SLCO1A2: variants seen among roughly 807,000 people sequenced by gnomAD.
The protein encoded by SLCO1A2 is solute carrier organic anion transporter family member 1A2.
Under a neutral mutation model 69.0 loss-of-function variants are expected in SLCO1A2, and 67 were observed. The observed-to-expected ratio is 0.97, with a 90% CI of 0.80 to 1.19. SLCO1A2 has a LOEUF of 1.19. Among genes scored for constraint, SLCO1A2 ranks in the 50% most tolerant of loss-of-function variants. The pLI is 0.00. For missense variants in SLCO1A2, 787 were observed against 793.7 expected (o/e 0.99, Z 0.10); for synonymous variants, 260 against 265.9 (o/e 0.98, Z 0.22).
At chr12:21,359,331 A>T (rs890030440) in intron 2 of SLCO1A2, among the ~76,000 whole-genome samples, 11 of 152,188 alleles carry the variant, frequency 7.2e-5, no homozygotes, top group African/African-American at 2.7e-4. Context: ...GTTTAAAAAC[A>T]GGGAAAATCA....
intron 6 of SLCO1A2, among the ~76,000 whole-genome samples, chr12:21,301,741 T>C (rs1337175056): frequency 6.6e-6 from 1 of 152,224 alleles, no homozygotes; most frequent in African/African-American, 2.4e-5. Context: ...TCATTATTAT[T>C]ATATGATACA....
intron 2 of SLCO1A2, among the ~76,000 whole-genome samples, chr12:21,344,488 C>T (rs1953189281): frequency 6.6e-6 from 1 of 151,906 alleles, no homozygotes; most frequent in Non-Finnish European, 1.5e-5. Flanking sequence ...TTGATATGCC[C>T]CTCCCAGTTA....
At chr12:21,276,423 C>CACAG (rs1943847864) in intron 12 of SLCO1A2, among the ~76,000 whole-genome samples, 1 of 148,344 alleles carries the variant, frequency 6.7e-6, no homozygotes, top group Non-Finnish European at 1.5e-5. Context: ...CACACACACA[C>CACAG]AGACCTATCT....
intron 1 of SLCO1A2, among the ~76,000 whole-genome samples, chr12:21,407,014 A>G (rs1480235544): frequency 6.6e-6 from 1 of 152,132 alleles, no homozygotes; most frequent in African/African-American, 2.4e-5. Flanking sequence ...GCTCCCACCC[A>G]TACCTACCTC....
In SLCO1A2 at chr12:21,265,584, G is replaced by A. The variant is rs769096414; in HGVS notation, c.*3964C>T. 1 of 152,102 alleles carries A rather than the reference G, an allele frequency of 6.6e-6. No homozygotes were observed. The highest frequency in any genetic ancestry group is 1.5e-5 in the Non-Finnish European group (1 of 68,042). 9.4% of individuals were successfully genotyped at this position (152,102 alleles called of 1,614,324 possible). A position where few individuals can be genotyped will look rare whatever the true frequency, so the allele number is the denominator to read the frequency against. Reference sequence around the variant, plus strand: ...CACTGGTGTAGTTTCTCCATGTTGGGAAGGCTTAGGGGTTGGGAACTTGGC... The same window carrying A: ...CACTGGTGTAGTTTCTCCATGTTGGAAAGGCTTAGGGGTTGGGAACTTGGC... On this transcript the variant is annotated 3_prime_UTR_variant, in exon 15 of 15. Coordinates refer to ENST00000683939, the MANE Select transcript of SLCO1A2 (RefSeq NM_001386879.1).
chr12:21,286,064 A>G (rs1370027048), intron 12 of SLCO1A2, among the ~76,000 whole-genome samples: 1 of 151,798 alleles, frequency 6.6e-6, no homozygotes, highest in Non-Finnish European at 1.5e-5. Context: ...AGAGGAAGTC[A>G]AATTGTCCCT....
At chr12:21,337,055 T>G (rs1952913890), upstream of SLCO1A2, among the ~76,000 whole-genome samples, 2 of 152,188 alleles carry the variant, frequency 1.3e-5, no homozygotes, top group South Asian at 4.1e-4. Flanking sequence ...GTGTTGTTTT[T>G]CTGTTTGATT....
chr12:21,411,393 C>T (rs746301742), intron 1 of SLCO1A2, among the ~76,000 whole-genome samples: 25 of 152,130 alleles, frequency 1.6e-4, no homozygotes, highest in Non-Finnish European at 3.2e-4. Context: ...ATCTCTCATG[C>T]GACTGTGATC....
At chr12:21,304,920 C>A (rs976593180) in intron 5 of SLCO1A2, among the ~76,000 whole-genome samples, 11 of 152,192 alleles carry the variant, frequency 7.2e-5, no homozygotes, top group Non-Finnish European at 1.3e-4. Context: ...CAAAGAGATT[C>A]AGTTTCTCCA....
chr12:21,416,667 A>C (rs1209078470), intron 1 of SLCO1A2, among the ~76,000 whole-genome samples: 2 of 151,952 alleles, frequency 1.3e-5, no homozygotes, highest in Non-Finnish European at 2.9e-5. Flanking sequence ...AAGGGCACTG[A>C]CTATTCACAG....
intron 1 of SLCO1A2, among the ~76,000 whole-genome samples, chr12:21,414,501 G>A (rs1941960739): frequency 1.3e-5 from 2 of 151,640 alleles, no homozygotes; most frequent in Admixed American, 1.3e-4. Flanking sequence ...CAACTTAATC[G>A]CATTGTGTTC....
chr12:21,269,878 G>A, intron 14 of SLCO1A2, 111 bp from the exon 15 acceptor site: 1 of 701,418 alleles, frequency 1.4e-6, no homozygotes, highest in East Asian at 3.1e-5. Flanking sequence ...TGATGGTTTT[G>A]CATGCTGATC....
intron 2 of SLCO1A2, among the ~76,000 whole-genome samples, chr12:21,322,738 T>C (rs1435584158): frequency 6.6e-6 from 1 of 152,168 alleles, no homozygotes; most frequent in Non-Finnish European, 1.5e-5. Context: ...GAGGGTACAA[T>C]GAGGCATGTC....
rs1565489588 is a variant in SLCO1A2, at chr12:21,309,850, AAGTTCAG to A, written c.336-2869_336-2863del. Among the ~76,000 whole-genome samples the A allele has an allele frequency of 9.8e-5, 15 of 152,326 alleles. 1 individual carries two copies. In the South Asian group the frequency reaches 2.9e-3, roughly 29 times the overall value. ...CAATGCAGCAGGCCTAGAGAATTCC[AAGTTCAG>A]ATTGCAGATGGAGAATTGAAAGTGA... On this transcript the variant is annotated intron_variant, in intron 4 of 14. Transcript: ENST00000683939.
At chr12:21,300,032 GTGTA>G (rs1183467862) in intron 8 of SLCO1A2, among the ~76,000 whole-genome samples, 1 of 146,978 alleles carries the variant, frequency 6.8e-6, no homozygotes, top group African/African-American at 2.7e-5. Context: ...GTATATATGT[GTGTA>G]TATATATATG....
intron 9 of SLCO1A2, 75 bp downstream of exon 9, chr12:21,297,329 G>A: frequency 9.6e-7 from 1 of 1,045,180 alleles, no homozygotes; most frequent in Non-Finnish European, 1.3e-6. Flanking sequence ...TTCAACTTAG[G>A]AGTTTGCTAC....
At chr12:21,355,357 C>G (rs1938282579) in intron 2 of SLCO1A2, among the ~76,000 whole-genome samples, 1 of 152,110 alleles carries the variant, frequency 6.6e-6, no homozygotes, top group Admixed American at 6.6e-5. Context: ...TTAAGACAAA[C>G]ATATTTTTAT....
At chr12:21,284,214 C>A (rs1034058144) in intron 12 of SLCO1A2, among the ~76,000 whole-genome samples, 19 of 152,084 alleles carry the variant, frequency 1.2e-4, no homozygotes, top group Admixed American at 1.1e-3. Flanking sequence ...GGTACATATA[C>A]AGGATGGAGT....
intron 2 of SLCO1A2, among the ~76,000 whole-genome samples, chr12:21,327,998 G>A (rs1293309179): frequency 6.6e-6 from 1 of 152,126 alleles, no homozygotes; most frequent in Non-Finnish European, 1.5e-5. Context: ...GGAGGTAATT[G>A]AAACATGGGG....
Sources: allele counts gnomAD v4.1 joint callset (sites outside exome capture counted in the v4.1 genomes callset), GRCh38; gene constraint gnomAD v4.1.1; transcripts MANE v1.5; gene names NCBI Gene and HGNC (gene_info 2026-07-23, HGNC 2026-07-21).